The following RRM2 variants were observed in gnomAD, a reference collection of about 807,000 sequenced individuals.
RRM2 encodes ribonucleoside-diphosphate reductase subunit M2.
A neutral mutation model predicts 45.9 loss-of-function variants in RRM2; 6 were observed. The observed-to-expected ratio is 0.13, with a 90% confidence interval of 0.07 to 0.26. The LOEUF is 0.26. RRM2 is among the 10% of genes least tolerant of loss of function. The probability of loss-of-function intolerance (pLI) is 1.00; values close to 1 mark genes in which losing one functional copy is unlikely to be tolerated. For missense variants in RRM2, 343 were observed against 489.5 expected (o/e 0.70, Z 2.82); for synonymous variants, 177 against 173.0 (o/e 1.02, Z -0.18).
At chr2:10,142,515 C>T in intron 3 of RRM2, 1 of 825,696 alleles carries the variant, frequency 1.2e-6, no homozygotes, top group Non-Finnish European at 1.8e-6. Context: ...CCAGGTACTG[C>T]CAGCCTCTGC....
intron 3 of RRM2, among the ~76,000 whole-genome samples, chr2:10,149,329 G>A (rs964016550): frequency 5.9e-5 from 9 of 152,084 alleles, no homozygotes; most frequent in African/African-American, 1.9e-4. Flanking sequence ...GTGTTTTGCC[G>A]TGTTGGCTAG....
At chr2:10,144,074 G>A (rs1429153462) in intron 3 of RRM2, among the ~76,000 whole-genome samples, 1 of 152,220 alleles carries the variant, frequency 6.6e-6, no homozygotes, top group African/African-American at 2.4e-5. Flanking sequence ...CACTATTCAC[G>A]CACAGCGCCT....
Position 10,201,584 on chromosome 2 carries a change from T to C in RRM2, n.483-8727T>C, listed in dbSNP as rs114957121. Among the ~76,000 whole-genome samples, 1,356 of 152,312 alleles carry C rather than the reference T, an allele frequency of 8.9e-3. 16 individuals are homozygous for C. The highest frequency in any genetic ancestry group is 0.031 in the African/African-American group (1,275 of 41,546). On this transcript the variant is annotated intron_variant and non_coding_transcript_variant, in intron 3 of 3. Transcript: ENST00000381786. ...AGAGCACCTGTCAGAACTTTATAGC[T>C]GATCATAAAACCACCTTCTAAAGAG...
rs768035787 is a variant in RRM2, at chr2:10,122,887, A to G, written c.89A>G (p.Lys30Arg). The change falls in exon 1 of 10, where the codon AAG becomes AGG. Residue 30 changes from lysine (K) to arginine (R), a missense_variant. By Grantham distance (26) the Lys-to-Arg change is conservative. Around this residue, in one of 2 missense-constraint regions of RRM2, gnomAD observed 131 missense variants for 121.4 expected, o/e 1.08. Transcript: ENST00000304567. ...CTGAAGGGGCTCAGCTTGGTCGACA[A>G]GGAGAACACGGTGAGCCCGCGGGGA... ...SPLKGLSLVD[K>R]ENTPPALSGT... 1.3e-6 allele frequency: 2 copies of G among 1,592,960 alleles called. No homozygotes were observed. The highest frequency in any genetic ancestry group is 1.3e-5 in the African/African-American group (1 of 74,762).
chr2:10,156,085 AC>A (rs565791283), intron 3 of RRM2: 7 of 152,174 alleles, frequency 4.6e-5, no homozygotes, highest in Non-Finnish European at 1.0e-4. Flanking sequence ...GCCCCTCTAG[AC>A]CTTGGAGCTC....
intron 1 of RRM2, chr2:10,141,776 G>GC (rs398090136): frequency 1 from 1,538,099 of 1,538,650 alleles, 768,774 homozygotes; most frequent in South Asian, 1. Context: ...GGTGGCCATG[G>GC]CCTGGGGCTG....
intron 3 of RRM2, among the ~76,000 whole-genome samples, chr2:10,197,960 A>G (rs528608903): frequency 3.2e-4 from 49 of 152,194 alleles, no homozygotes; most frequent in African/African-American, 1.1e-3. Context: ...GAAACCTCCA[A>G]TGGGGCAGGG....
At chr2:10,125,783 A>G (rs1453830936) in intron 5 of RRM2, among the ~76,000 whole-genome samples, 1 of 152,246 alleles carries the variant, frequency 6.6e-6, no homozygotes, top group Non-Finnish European at 1.5e-5. Flanking sequence ...TTTGAAGTAC[A>G]TGAAGAGGAA....
Position 10,142,127 on chromosome 2 carries a change from C to T in RRM2, n.362-128C>T, listed in dbSNP as rs371874124. The T allele has an allele frequency of 3.5e-5, 55 of 1,566,716 alleles. 2 individuals are homozygous for T. Among genetic ancestry groups the T allele is most frequent in the Admixed American group, 1.7e-4 (10 of 58,282 alleles). ...GCGGAGGGTGGGCAAGCGCAAAGGC[C>T]CTGTGGCAGGCGCGTCTGTGAGTGG... On this transcript the variant is annotated intron_variant and non_coding_transcript_variant, in intron 2 of 3. Transcript: ENST00000381786.
At chr2:10,199,898 A>G (rs982267738) in intron 3 of RRM2, among the ~76,000 whole-genome samples, 1 of 151,544 alleles carries the variant, frequency 6.6e-6, no homozygotes, top group African/African-American at 2.4e-5. Context: ...CAATGGTGCA[A>G]TCTCAGCTCA....
chr2:10,154,499 C>CAAA (rs547349749), intron 3 of RRM2, among the ~76,000 whole-genome samples: 30 of 94,556 alleles, frequency 3.2e-4, no homozygotes, highest in Middle Eastern at 5.7e-3. Context: ...GACTCCATCT[C>CAAA]AAAAAAAAAA....
chr2:10,196,461 C>T (rs1026194852), intron 3 of RRM2, among the ~76,000 whole-genome samples: 1 of 152,186 alleles, frequency 6.6e-6, no homozygotes, highest in Non-Finnish European at 1.5e-5. Context: ...CAGCAGCCGG[C>T]ACTGCCTGGC....
At chr2:10,128,801 A>G (rs2125307991) in intron 7 of RRM2, 47 bp from the exon 8 acceptor site, 2 of 1,292,878 alleles carry the variant, frequency 1.5e-6, no homozygotes, top group South Asian at 2.4e-5. Context: ...TTCCATGTTA[A>G]TGACAGAAGT....
intron 3 of RRM2, among the ~76,000 whole-genome samples, chr2:10,176,183 A>C (rs1002661403): frequency 1.8e-4 from 28 of 152,370 alleles, no homozygotes; most frequent in Non-Finnish European, 4.1e-4. Flanking sequence ...ATGTGTGCAC[A>C]AAATAACTCT....
chr2:10,179,620 C>A (rs1664001787), intron 3 of RRM2, among the ~76,000 whole-genome samples: 2 of 152,194 alleles, frequency 1.3e-5, no homozygotes, highest in Non-Finnish European at 2.9e-5. Context: ...TCTTGACTCA[C>A]AACATGGTTA....
At position 10,122,786 on chromosome 2, in the gene RRM2, C is replaced by G. The variant is rs763796541; in HGVS notation, c.-13C>G. 1.3e-6 allele frequency: 2 copies of G among 1,576,320 alleles called. No individual in the cohort carries two copies. The highest frequency in any genetic ancestry group is 1.9e-5 in the Admixed American group (1 of 53,686). The stretch of plus-strand genomic sequence containing the variant: ...TGTCCTGGCTGCTCGCTCTGCTTCG[C>G]TGCGCCTCCACTATGCTCTCCCTCC... On this transcript the variant is annotated 5_prime_UTR_variant, in exon 1 of 10. Transcript: ENST00000304567.
intron 3 of RRM2, among the ~76,000 whole-genome samples, chr2:10,174,187 A>G (rs1230841487): frequency 1.3e-5 from 2 of 152,188 alleles, no homozygotes; most frequent in African/African-American, 4.8e-5. Context: ...CCCTTACTGG[A>G]CACTGGGCCC....
chr2:10,124,386 G>A (rs148818815), intron 4 of RRM2, among the ~76,000 whole-genome samples: 3,783 of 152,250 alleles, frequency 0.025, 179 homozygotes, highest in African/African-American at 0.087. Flanking sequence ...GATTACAGGC[G>A]TGAGCCACCA....
chr2:10,189,195 G>A (rs570662108), intron 3 of RRM2, among the ~76,000 whole-genome samples: 3 of 152,380 alleles, frequency 2.0e-5, no homozygotes, highest in Admixed American at 6.5e-5. Flanking sequence ...TGCTCACAAG[G>A]GGCACTCCAG....
Sources: gnomAD v4.1 joint callset for allele counts (sites outside exome capture counted in the v4.1 genomes callset) on GRCh38, gnomAD v4.1.1 for gene constraint, gnomAD v4.1.1 regional missense constraint, MANE v1.5 for transcripts, NCBI Gene and HGNC (gene_info 2026-07-23, HGNC 2026-07-21) for gene names.